ADGRL3: variants seen among roughly 807,000 people sequenced by gnomAD.
ADGRL3 encodes the protein calcium-independent alpha-latrotoxin receptor 3.
In ADGRL3, 62 loss-of-function variants were observed where a neutral mutation model predicts 153.5. The observed-to-expected ratio is 0.40, with a 90% CI of 0.33 to 0.50. ADGRL3 has a LOEUF of 0.50. ADGRL3 is among the 20% of genes least tolerant of loss of function. The probability of loss-of-function intolerance (pLI) is 0.47; values close to 1 mark genes in which losing one functional copy is unlikely to be tolerated. For synonymous variants in ADGRL3, 710 were observed against 672.5 expected (o/e 1.06, Z -0.86); for missense variants, 1,641 against 1,859.4 (o/e 0.88, Z 2.16).
chr4:62,045,177 C>CT (rs1174643105), intron 25 of ADGRL3, among the ~76,000 whole-genome samples: 3 of 151,706 alleles, frequency 2.0e-5, no homozygotes, highest in Non-Finnish European at 4.4e-5. Context: ...TTGTGGTTGA[C>CT]TTTTTTTCCT....
intron 9 of ADGRL3, among the ~76,000 whole-genome samples, chr4:61,892,014 C>T (rs1330588644): frequency 6.6e-6 from 1 of 152,112 alleles, no homozygotes; most frequent in Non-Finnish European, 1.5e-5. Context: ...TATTTGGAAA[C>T]TACTTATACT....
chr4:62,002,906 G>T (rs1399859341), intron 21 of ADGRL3, among the ~76,000 whole-genome samples: 1 of 152,096 alleles, frequency 6.6e-6, no homozygotes, highest in African/African-American at 2.4e-5. Context: ...TTACAGTATG[G>T]CTGAAGTACT....
At chr4:61,920,901 T>C (rs976001872) in intron 13 of ADGRL3, among the ~76,000 whole-genome samples, 1 of 152,198 alleles carries the variant, frequency 6.6e-6, no homozygotes, top group Non-Finnish European at 1.5e-5. Flanking sequence ...CTGGGCATAG[T>C]GTCCAACGAT....
At chr4:61,651,977 A>C (rs2094276261) in intron 5 of ADGRL3, among the ~76,000 whole-genome samples, 1 of 152,160 alleles carries the variant, frequency 6.6e-6, no homozygotes. Context: ...GTATTAAAAA[A>C]AGAAAAAATG....
chr4:61,901,299 A>G (rs1040957928), intron 11 of ADGRL3, among the ~76,000 whole-genome samples: 1 of 152,194 alleles, frequency 6.6e-6, no homozygotes, highest in Non-Finnish European at 1.5e-5. Context: ...GTACTTTCTA[A>G]AGAAGGATGT....
At chr4:61,834,595 C>A (rs1199216468) in intron 9 of ADGRL3, among the ~76,000 whole-genome samples, 1 of 152,070 alleles carries the variant, frequency 6.6e-6, no homozygotes, top group South Asian at 2.1e-4. Flanking sequence ...TAGGCTATGA[C>A]GATGGGAAAA....
At chr4:61,404,652 C>A (rs978939609) in intron 2 of ADGRL3, among the ~76,000 whole-genome samples, 1 of 151,706 alleles carries the variant, frequency 6.6e-6, no homozygotes, top group South Asian at 2.1e-4. Context: ...AAAATTACCA[C>A]CCTGAATAAA....
chr4:61,749,567 G>A (rs2096723525), intron 8 of ADGRL3, among the ~76,000 whole-genome samples: 4 of 152,114 alleles, frequency 2.6e-5, no homozygotes, highest in Admixed American at 2.0e-4. Flanking sequence ...TAGGGACATG[G>A]ATGAAATTGG....
In ADGRL3 at chr4:61,795,759, G is replaced by A. The variant is rs576559732; in HGVS notation, c.1400-18050G>A. Among the ~76,000 whole-genome samples the A allele has an allele frequency of 1.1e-3, 162 of 152,108 alleles. 2 individuals carry two copies. Among genetic ancestry groups the A allele is most frequent in the Middle Eastern group, 0.01 (3 of 292 alleles). On this transcript the variant is annotated intron_variant, in intron 8 of 26. Transcript: ENST00000683033. ...AATAAAATGAGAGATTTTTTATTCC[G>A]CTTCCCCAAGCAGATTATGCATCAA...
intron 9 of ADGRL3, among the ~76,000 whole-genome samples, chr4:61,847,689 T>A (rs1317583835): frequency 1.6e-4 from 8 of 49,374 alleles, no homozygotes; most frequent in African/African-American, 6.0e-4. Flanking sequence ...ATTATATATA[T>A]AATATAAAAT....
intron 1 of ADGRL3, among the ~76,000 whole-genome samples, chr4:61,219,408 G>A (rs148266162): frequency 6.6e-6 from 1 of 152,136 alleles, no homozygotes. Context: ...TATTTTAAAT[G>A]CTGTATGAAA....
chr4:61,302,264 G>A (rs1337773982), intron 1 of ADGRL3, among the ~76,000 whole-genome samples: 1 of 151,942 alleles, frequency 6.6e-6, no homozygotes, highest in African/African-American at 2.4e-5. Context: ...GAGAGAGGTG[G>A]GGGAACAATA....
intron 1 of ADGRL3, among the ~76,000 whole-genome samples, chr4:61,370,854 T>C (rs1224766203): frequency 6.6e-6 from 1 of 152,106 alleles, no homozygotes; most frequent in Non-Finnish European, 1.5e-5. Context: ...ATTATTAATA[T>C]GTGGGAGTCT....
chr4:61,806,806 A>G lies in ADGRL3; in HGVS notation c.1400-7003A>G, dbSNP rs576968759. Among the ~76,000 whole-genome samples the G allele has an allele frequency of 1.0e-3, 154 of 152,156 alleles. No homozygotes were observed. In the Middle Eastern group the frequency reaches 0.017, roughly 17 times the overall value. On this transcript the variant is annotated intron_variant, in intron 8 of 26. Coordinates refer to ENST00000683033, the MANE Select transcript of ADGRL3 (RefSeq NM_001387552.1). ...AAATGCCTCATCTTTTTCTTTTTTC[A>G]AAAGTACTATATAATACGATGAATC...
chr4:61,586,495 C>T (rs937742347), intron 4 of ADGRL3, among the ~76,000 whole-genome samples: 8 of 151,834 alleles, frequency 5.3e-5, no homozygotes, highest in African/African-American at 1.9e-4. Flanking sequence ...AAATATCAAA[C>T]AATATGTATA....
chr4:61,860,260 C>A (rs2098326873), intron 9 of ADGRL3, among the ~76,000 whole-genome samples: 1 of 152,028 alleles, frequency 6.6e-6, no homozygotes, highest in Admixed American at 6.6e-5. Flanking sequence ...TTCTCTGCAA[C>A]CAACTTAGGA....
intron 5 of ADGRL3, among the ~76,000 whole-genome samples, chr4:61,614,202 C>T (rs1298046928): frequency 6.6e-6 from 1 of 152,084 alleles, no homozygotes; most frequent in Admixed American, 6.5e-5. Context: ...CAAAGGCTAC[C>T]AGCATAATGC....
intron 19 of ADGRL3, among the ~76,000 whole-genome samples, chr4:61,994,233 G>C (rs2099113907): frequency 6.6e-6 from 1 of 152,056 alleles, no homozygotes; most frequent in Admixed American, 6.6e-5. Context: ...CCACAGCCTG[G>C]ACCTCTTGGG....
At chr4:61,608,038 T>C (rs2099039385) in intron 5 of ADGRL3, among the ~76,000 whole-genome samples, 1 of 152,102 alleles carries the variant, frequency 6.6e-6, no homozygotes, top group South Asian at 2.1e-4. Context: ...ATTCAGACCG[T>C]GAGAAAAGAA....
Sources: allele counts gnomAD v4.1 joint callset (sites outside exome capture counted in the v4.1 genomes callset), GRCh38; gene constraint gnomAD v4.1.1; transcripts MANE v1.5; gene names NCBI Gene and HGNC (gene_info 2026-07-23, HGNC 2026-07-21).